The following CCDC141 variants were observed in gnomAD, a reference collection of about 807,000 sequenced individuals.
The protein encoded by CCDC141 is coiled-coil domain-containing protein 141.
Under a neutral mutation model 181.0 loss-of-function variants are expected in CCDC141, and 168 were observed. That is an observed-to-expected ratio of 0.93 (90% CI 0.82 to 1.05). The LOEUF (loss-of-function observed/expected upper bound fraction) is 1.05. Among genes scored for constraint, CCDC141 ranks in the 50% least tolerant of loss-of-function variants. The pLI is 0.00. For missense variants in CCDC141, 1,902 were observed against 1,788.5 expected (o/e 1.06, Z -1.14); for synonymous variants, 666 against 642.3 (o/e 1.04, Z -0.56).
intron 2 of CCDC141, among the ~76,000 whole-genome samples, chr2:179,015,653 T>C (rs1658744252): frequency 1.4e-5 from 2 of 139,222 alleles, no homozygotes; most frequent in South Asian, 4.7e-4. Flanking sequence ...ATATATCTCA[T>C]ACATATATCT....
In CCDC141 at chr2:178,850,091, A is replaced by G. The variant is rs1465168095; in HGVS notation, c.3315T>C (p.Thr1105=). The change falls in exon 21 of 24, where the codon ACT becomes ACC. Residue 1105 remains threonine (T), a synonymous_variant. Transcript: ENST00000443758. ...TKHKEVLESV[T]ELCESLTELE... is the part of the protein sequence containing the mutation. ...GCTCTGTGAGGGACTCACATAATTCAGTCACAGATTCAAGAACCTCTTTGT... is the reference window on the plus strand; with the variant it reads ...GCTCTGTGAGGGACTCACATAATTCGGTCACAGATTCAAGAACCTCTTTGT... 6.2e-7 allele frequency: 1 copy of G among 1,610,306 alleles called. No individual in the cohort carries two copies. Among genetic ancestry groups the G allele is most frequent in the Admixed American group, 1.7e-5 (1 of 59,480 alleles).
chr2:178,821,624 T>C, the CCDC141 span, among the ~76,000 whole-genome samples: 3 of 152,194 alleles, frequency 2.0e-5, no homozygotes, highest in Non-Finnish European at 2.9e-5. Flanking sequence ...GTAGCAAAGC[T>C]AGGATTAGAA....
Position 178,845,679 on chromosome 2 carries a change from GC to G in CCDC141, c.3420del (p.Leu1140PhefsTer2). ...LEDFHYDYID[L>X]LKEPAKNKQT... The stretch of plus-strand genomic sequence containing the variant: ...TGCTTATTTTTTGCTGGTTCCTTTA[GC>G]AAGTCAATGTAATCATAATGGAAGT... On this transcript the variant is annotated frameshift_variant, in exon 22 of 24. Transcript: ENST00000443758. LOFTEE classifies it high-confidence loss of function. The G allele has an allele frequency of 6.2e-7, 1 of 1,612,456 alleles. No homozygotes were observed. The highest frequency in any genetic ancestry group is 8.5e-7 in the Non-Finnish European group (1 of 1,178,792).
intron 16 of CCDC141, among the ~76,000 whole-genome samples, chr2:178,866,182 T>C (rs1051529947): frequency 2.0e-5 from 3 of 152,204 alleles, no homozygotes; most frequent in Non-Finnish European, 2.9e-5. Flanking sequence ...ACGCCATTCA[T>C]TATAGGGTAT....
intron 2 of CCDC141, among the ~76,000 whole-genome samples, chr2:178,983,565 GA>G (rs1300418841): frequency 6.9e-6 from 1 of 144,438 alleles, no homozygotes; most frequent in Admixed American, 6.9e-5. Context: ...TGAAAACTTT[GA>G]AAAAAATTTA....
chr2:178,825,601 C>T (rs1204582229), downstream of CCDC141: 2 of 149,016 alleles, frequency 1.3e-5, no homozygotes, highest in Non-Finnish European at 3.0e-5. Flanking sequence ...ATTTACCTCT[C>T]CCAAATCTGC....
chr2:178,828,823 T>C (rs1302746899), downstream of CCDC141, among the ~76,000 whole-genome samples: 3 of 152,202 alleles, frequency 2.0e-5, no homozygotes, highest in African/African-American at 7.2e-5. Context: ...TCCCTTTATA[T>C]TTCACTGATT....
intron 2 of CCDC141, among the ~76,000 whole-genome samples, chr2:179,037,438 G>C (rs1404085143): frequency 6.6e-6 from 1 of 152,156 alleles, no homozygotes; most frequent in Non-Finnish European, 1.5e-5. Context: ...CTGTCTGAAA[G>C]TGTTTCTTCA....
downstream of CCDC141, among the ~76,000 whole-genome samples, chr2:178,826,258 C>T (rs957287273): frequency 2.0e-5 from 3 of 152,028 alleles, no homozygotes; most frequent in Admixed American, 6.5e-5. Context: ...TTGAAAGAGC[C>T]GTATATACCT....
At chr2:178,880,622 C>T (rs1686555813) in intron 11 of CCDC141, among the ~76,000 whole-genome samples, 1 of 152,160 alleles carries the variant, frequency 6.6e-6, no homozygotes, top group Non-Finnish European at 1.5e-5. Flanking sequence ...GGGGATTAAA[C>T]TTCAGCTTTG....
intron 2 of CCDC141, among the ~76,000 whole-genome samples, chr2:178,983,219 C>A (rs1691526117): frequency 6.6e-6 from 1 of 152,132 alleles, no homozygotes; most frequent in African/African-American, 2.4e-5. Flanking sequence ...ACACCTCACA[C>A]TGCAGGGTAC....
chr2:178,913,869 T>C (rs1042216618), intron 7 of CCDC141, among the ~76,000 whole-genome samples: 1 of 152,198 alleles, frequency 6.6e-6, no homozygotes, highest in Non-Finnish European at 1.5e-5. Context: ...TGCCTGGAAA[T>C]GGAAGGCATA....
chr2:178,843,927 C>G (rs1302132789), intron 22 of CCDC141, among the ~76,000 whole-genome samples: 1 of 152,180 alleles, frequency 6.6e-6, no homozygotes. Context: ...AATAACAATT[C>G]TTGACAGCTG....
intron 15 of CCDC141, 33 bp downstream of exon 15, chr2:178,869,084 C>A: frequency 7.0e-7 from 1 of 1,436,888 alleles, no homozygotes; most frequent in Non-Finnish European, 9.2e-7. Context: ...GTTTAAAACT[C>A]AGGATTTTTC....
At chr2:178,887,998 G>A (rs895617439) in intron 9 of CCDC141, among the ~76,000 whole-genome samples, 16 of 152,312 alleles carry the variant, frequency 1.1e-4, no homozygotes, top group African/African-American at 3.6e-4. Flanking sequence ...TCACTCTGCA[G>A]AGAGGATTTT....
intron 21 of CCDC141, among the ~76,000 whole-genome samples, chr2:178,848,098 G>A (rs1685015303): frequency 6.6e-6 from 1 of 152,236 alleles, no homozygotes. Context: ...GGGAGATCAG[G>A]GAGGGAGTGA....
At chr2:178,988,948 C>T (rs1019350600) in intron 2 of CCDC141, among the ~76,000 whole-genome samples, 1 of 152,068 alleles carries the variant, frequency 6.6e-6, no homozygotes, top group African/African-American at 2.4e-5. Flanking sequence ...TAGATATTCA[C>T]ATGTAAAAGA....
chr2:178,952,325 T>C (rs767768566), intron 5 of CCDC141, among the ~76,000 whole-genome samples: 36 of 152,364 alleles, frequency 2.4e-4, no homozygotes, highest in African/African-American at 3.8e-4. Flanking sequence ...TTGAAAATCA[T>C]TGGGCACTTA....
In CCDC141 at chr2:178,964,969, A is replaced by C. The variant is rs75624998; in HGVS notation, c.527-3486T>G. On this transcript the variant is annotated intron_variant, in intron 4 of 23. Transcript: ENST00000443758. Reference sequence around the variant, plus strand: ...AAAAATTATCATTAAAGTTCATAAAATACATCATATTTTATATTAATACCT... The same window carrying C: ...AAAAATTATCATTAAAGTTCATAAACTACATCATATTTTATATTAATACCT... Among the ~76,000 whole-genome samples, 3 of 152,240 alleles carry C rather than the reference A, an allele frequency of 2.0e-5. No homozygotes were observed. The East Asian group carries it at 5.8e-4, about 29-fold the overall frequency.
Sources: allele counts gnomAD v4.1 joint callset (sites outside exome capture counted in the v4.1 genomes callset), GRCh38; gene constraint gnomAD v4.1.1; transcripts MANE v1.5; gene names NCBI Gene and HGNC (gene_info 2026-07-23, HGNC 2026-07-21).